FNDC3B: variants seen among roughly 807,000 people sequenced by gnomAD.
FNDC3B encodes the protein fibronectin type III domain containing 3B, also known as fibronectin type III domain-containing protein 3B.
A neutral mutation model predicts 151.5 loss-of-function variants in FNDC3B; 12 were observed. The observed-to-expected ratio is 0.08, with a 90% confidence interval of 0.05 to 0.13. FNDC3B has a LOEUF of 0.13. Ranked by LOEUF, FNDC3B falls within the 10% of genes least tolerant of loss-of-function variation. The pLI, the probability that FNDC3B is intolerant of heterozygous loss-of-function variation, is 1.00. For synonymous variants in FNDC3B, 528 were observed against 549.0 expected, an observed-to-expected ratio of 0.96 and a Z score of 0.54; for missense variants, 1,214 against 1,505.3, an observed-to-expected ratio of 0.81 and a Z score of 3.20.
intron 7 of FNDC3B, 64 bp from the exon 8 acceptor site, chr3:172,295,299 T>A (rs750888712): frequency 6.7e-7 from 1 of 1,485,470 alleles, no homozygotes. Flanking sequence ...TTTATGCCAC[T>A]ACTAATAATT....
At chr3:172,183,421 A>G (rs1411477811) in intron 3 of FNDC3B, among the ~76,000 whole-genome samples, 1 of 152,180 alleles carries the variant, frequency 6.6e-6, no homozygotes, top group Non-Finnish European at 1.5e-5. Flanking sequence ...ACTTAATTTT[A>G]TGTCCAGTAT....
intron 1 of FNDC3B, among the ~76,000 whole-genome samples, chr3:172,063,327 G>T (rs926196004): frequency 1.3e-4 from 20 of 152,140 alleles, no homozygotes; most frequent in African/African-American, 4.8e-4. Context: ...TTGTATCGCT[G>T]ATACTCTCCC....
chr3:172,362,207 A>G (rs1411364242), intron 22 of FNDC3B, among the ~76,000 whole-genome samples: 1 of 152,134 alleles, frequency 6.6e-6, no homozygotes, highest in Non-Finnish European at 1.5e-5. Context: ...TGTCCTGTTG[A>G]TGAGTTGTCC....
Position 172,360,324 on chromosome 3 carries a change from G to A in FNDC3B, c.2796-2309G>A, listed in dbSNP as rs183087707. Among the ~76,000 whole-genome samples the A allele has an allele frequency of 4.6e-5, 7 of 152,200 alleles. No individual in the cohort carries two copies. The East Asian group carries it at 1.4e-3, about 29-fold the overall frequency. On this transcript the variant is annotated intron_variant, in intron 22 of 25. Transcript: ENST00000415807. ...GGATTATTTCCTTAACTGAGTTTTG[G>A]GAGGTCATTATACATTCTGGTTACA...
chr3:172,068,580 C>T (rs1364121149), intron 1 of FNDC3B, among the ~76,000 whole-genome samples: 6 of 151,972 alleles, frequency 3.9e-5, no homozygotes, highest in Admixed American at 2.6e-4. Flanking sequence ...TAAGCCACCA[C>T]GCTCTGGTAA....
intron 24 of FNDC3B, among the ~76,000 whole-genome samples, chr3:172,380,564 C>T (rs1576962874): frequency 6.6e-6 from 1 of 152,126 alleles, no homozygotes; most frequent in East Asian, 1.9e-4. Context: ...GTATGCGTCT[C>T]ATACCTTGCT....
At position 172,083,229 on chromosome 3, in the gene FNDC3B, G is replaced by A. The variant is rs115335991; in HGVS notation, c.-28-29223G>A. On this transcript the variant is annotated intron_variant, in intron 1 of 25. Coordinates refer to ENST00000415807, the MANE Select transcript of FNDC3B (RefSeq NM_022763.4). ...ACAGAAAAAGGACTGTATTACTCCT[G>A]ACATACCAAATAGTGTAAACTCTTA... is the stretch of plus-strand genomic sequence containing the variant. 6.1e-3 allele frequency among the ~76,000 whole-genome samples: 929 copies of A among 152,318 alleles called. 9 individuals carry two copies. Among genetic ancestry groups the A allele is most frequent in the African/African-American group, 0.021 (892 of 41,570 alleles).
intron 5 of FNDC3B, 94 bp downstream of exon 5, chr3:172,247,870 T>A (rs1727862395): frequency 7.2e-7 from 1 of 1,391,156 alleles, no homozygotes. Context: ...GAAATAAGCA[T>A]AGTAGAAAAG....
intron 7 of FNDC3B, among the ~76,000 whole-genome samples, chr3:172,294,575 G>A (rs1362902546): frequency 1.3e-5 from 2 of 152,210 alleles, no homozygotes; most frequent in African/African-American, 4.8e-5. Flanking sequence ...ATTGGGGATT[G>A]CAATCTGACA....
At chr3:172,396,679 A>G (rs1736298023) in intron 25 of FNDC3B, among the ~76,000 whole-genome samples, 2 of 152,202 alleles carry the variant, frequency 1.3e-5, no homozygotes, top group Non-Finnish European at 1.5e-5. Flanking sequence ...CCACAGAAGC[A>G]TGAAGCGTAT....
At chr3:172,324,829 G>T (rs1225485286) in intron 11 of FNDC3B, among the ~76,000 whole-genome samples, 1 of 152,228 alleles carries the variant, frequency 6.6e-6, no homozygotes, top group Non-Finnish European at 1.5e-5. Flanking sequence ...CTCTAATTCA[G>T]GTGAAGTATC....
At chr3:172,155,309 C>G (rs1029154945) in intron 3 of FNDC3B, among the ~76,000 whole-genome samples, 4 of 152,182 alleles carry the variant, frequency 2.6e-5, no homozygotes, top group African/African-American at 9.7e-5. Context: ...CCCTGATTCT[C>G]TTTACAGCTG....
intron 25 of FNDC3B, among the ~76,000 whole-genome samples, chr3:172,396,231 CAT>C (rs1216445655): frequency 6.6e-6 from 1 of 152,170 alleles, no homozygotes; most frequent in African/African-American, 2.4e-5. Context: ...GAGTGAATCT[CAT>C]AGGCACAAGG....
chr3:172,311,597 T>C (rs1731494885), intron 11 of FNDC3B, among the ~76,000 whole-genome samples: 1 of 151,828 alleles, frequency 6.6e-6, no homozygotes. Context: ...TCGGGCGCGA[T>C]GACTCACGCC....
chr3:172,119,681 G>T (rs1324492947), intron 2 of FNDC3B, among the ~76,000 whole-genome samples: 1 of 152,176 alleles, frequency 6.6e-6, no homozygotes, highest in African/African-American at 2.4e-5. Flanking sequence ...GCTATTAGGG[G>T]CACTACAAAC....
chr3:172,156,384 G>A (rs1372770343), intron 3 of FNDC3B, among the ~76,000 whole-genome samples: 1 of 152,120 alleles, frequency 6.6e-6, no homozygotes, highest in African/African-American at 2.4e-5. Flanking sequence ...ATTAGCCATC[G>A]GCTCCAAGTG....
intron 6 of FNDC3B, among the ~76,000 whole-genome samples, chr3:172,276,926 GA>G (rs984230192): frequency 3.3e-5 from 5 of 151,856 alleles, no homozygotes; most frequent in Admixed American, 6.6e-5. Flanking sequence ...TGAATTAGGA[GA>G]AAAAAAATTA....
At chr3:172,364,609 G>T (rs2108346356) in intron 23 of FNDC3B, among the ~76,000 whole-genome samples, 1 of 152,336 alleles carries the variant, frequency 6.6e-6, no homozygotes, top group East Asian at 1.9e-4. Flanking sequence ...CAAATGTGTA[G>T]TCTGATCCAA....
chr3:172,171,327 A>C (rs1399438974), intron 3 of FNDC3B, among the ~76,000 whole-genome samples: 1 of 152,244 alleles, frequency 6.6e-6, no homozygotes, highest in East Asian at 1.9e-4. Flanking sequence ...TGTCATTTAC[A>C]GTCTAGTGTG....
Sources: gnomAD v4.1 joint callset for allele counts (sites outside exome capture counted in the v4.1 genomes callset) on GRCh38, gnomAD v4.1.1 for gene constraint, MANE v1.5 for transcripts, NCBI Gene and HGNC (gene_info 2026-07-23, HGNC 2026-07-21) for gene names.